The following ARHGAP11B variants were observed in gnomAD, a reference collection of about 807,000 sequenced individuals.
ARHGAP11B encodes the protein Rho GTPase activating protein 11B.
Under a neutral mutation model 27.6 loss-of-function variants are expected in ARHGAP11B, and 14 were observed. That is an observed-to-expected ratio of 0.51 (90% confidence interval 0.34 to 0.79). The LOEUF is 0.79. Ranked by LOEUF, ARHGAP11B falls within the 30% of genes least tolerant of loss-of-function variation. ARHGAP11B has a pLI of 0.02. For synonymous variants in ARHGAP11B, 82 were observed against 114.1 expected (o/e 0.72, Z 1.80); for missense variants, 245 against 320.1 (o/e 0.77, Z 1.79).
At chr15:30,630,881 A>G (rs992501424) in intron 2 of ARHGAP11B, 108 bp downstream of exon 2, 2 of 1,586,924 alleles carry the variant, frequency 1.3e-6, no homozygotes, top group African/African-American at 1.4e-5. Context: ...GGAGCTTAAG[A>G]CCAGCCTGGG....
intron 1 of ARHGAP11B, among the ~76,000 whole-genome samples, chr15:30,628,118 T>C (rs2060221563): frequency 6.6e-6 from 1 of 151,150 alleles, no homozygotes; most frequent in Admixed American, 6.6e-5. Flanking sequence ...TCTCCCTCTG[T>C]CGCCCAGGCT....
At chr15:30,635,489 C>T (rs778197945) in exon 6 of ARHGAP11B, 37 of 1,612,920 alleles carry the variant, frequency 2.3e-5, no homozygotes, top group Admixed American at 2.0e-4. Context: ...TCATTTAGGG[C>T]GTGTACCAGA....
At chr15:30,649,035 C>T (rs532156464) in exon 11 of ARHGAP11B, 3 of 151,898 alleles carry the variant, frequency 2.0e-5, no homozygotes, top group Non-Finnish European at 4.4e-5. Context: ...AATGGCGTGC[C>T]CCCTGTTGAC....
intron 3 of ARHGAP11B, 132 bp downstream of exon 3, chr15:30,633,718 A>T (rs1307934620): frequency 5.7e-5 from 36 of 636,946 alleles, no homozygotes; most frequent in African/African-American, 1.2e-4. Flanking sequence ...ATGGCAGAAG[A>T]TTTTTTTTTT....
chr15:30,635,431 T>G, intron 5 of ARHGAP11B, 56 bp from the exon 6 acceptor site: 1 of 1,559,122 alleles, frequency 6.4e-7, no homozygotes, highest in Non-Finnish European at 8.6e-7. Context: ...TAAACATTTT[T>G]GGGGAAGAGT....
Position 30,644,504 on chromosome 15 carries a change from C to A in ARHGAP11B, c.*79-135C>A, listed in dbSNP as rs1595679741. On this transcript the variant is annotated intron_variant, in intron 7 of 10. Transcript: ENST00000428041. The stretch of plus-strand genomic sequence containing the variant: ...TGTTTTAATCTGAAAAGGCATCGTT[C>A]TTATTGTTTTTGGTAACAAATTTTA... 5.4e-6 allele frequency: 3 copies of A among 555,694 alleles called. No individual in the cohort carries two copies. In the East Asian group the frequency reaches 8.9e-5, roughly 16 times the overall value. The allele number at this position is 555,694 out of a possible 1,614,324, so 34.4% of individuals were successfully genotyped here.
At chr15:30,649,209 A>G (rs1051843178) in exon 11 of ARHGAP11B, 18 of 152,238 alleles carry the variant, frequency 1.2e-4, no homozygotes, top group African/African-American at 4.1e-4. Context: ...AATTTGAATA[A>G]AATGATACTG....
At chr15:30,643,928 C>T (rs958510090) in intron 7 of ARHGAP11B, among the ~76,000 whole-genome samples, 1 of 152,024 alleles carries the variant, frequency 6.6e-6, no homozygotes, top group African/African-American at 2.4e-5. Flanking sequence ...GATCCAACTA[C>T]ATGGTTTCTT....
At chr15:30,636,876 T>G (rs1035841258) in intron 6 of ARHGAP11B, among the ~76,000 whole-genome samples, 13 of 152,024 alleles carry the variant, frequency 8.6e-5, no homozygotes, top group Admixed American at 7.2e-4. Context: ...CAGGGCACAT[T>G]GGATTAGGGC....
chr15:30,628,936 A>G (rs1045517893), intron 1 of ARHGAP11B, among the ~76,000 whole-genome samples: 12 of 152,098 alleles, frequency 7.9e-5, no homozygotes, highest in Admixed American at 5.9e-4. Flanking sequence ...TAGACTTACC[A>G]GCCTAAGTAT....
chr15:30,635,515 G>A, exon 6 of ARHGAP11B: 1 of 1,613,440 alleles, frequency 6.2e-7, no homozygotes, highest in Non-Finnish European at 8.5e-7. Flanking sequence ...TCCTGGAAAA[G>A]ATACCAGCCA....
chr15:30,632,571 T>C (rs533521068), intron 2 of ARHGAP11B, among the ~76,000 whole-genome samples: 73 of 151,758 alleles, frequency 4.8e-4, no homozygotes, highest in Non-Finnish European at 9.6e-4. Context: ...TAAATAAGGC[T>C]GACATTCAGC....
At chr15:30,639,001 A>G (rs538160914) in intron 7 of ARHGAP11B, among the ~76,000 whole-genome samples, 191 bp downstream of exon 7, 2 of 152,148 alleles carry the variant, frequency 1.3e-5, no homozygotes, top group East Asian at 3.9e-4. Context: ...TACATAGGCT[A>G]TAATGAACCC....
intron 2 of ARHGAP11B, among the ~76,000 whole-genome samples, chr15:30,632,409 CTG>C (rs2060251576): frequency 6.6e-6 from 1 of 150,680 alleles, no homozygotes; most frequent in African/African-American, 2.5e-5. Context: ...GAGCGAGACA[CTG>C]TCTCAAAAAC....
chr15:30,639,288 TTTAGA>T (rs1323796642), intron 7 of ARHGAP11B, among the ~76,000 whole-genome samples: 4 of 151,598 alleles, frequency 2.6e-5, no homozygotes, highest in African/African-American at 9.7e-5. Context: ...AAAAATAATA[TTTAGA>T]TTAGTTTTTG....
chr15:30,636,631 A>G (rs567462057), intron 6 of ARHGAP11B, among the ~76,000 whole-genome samples: 3 of 152,252 alleles, frequency 2.0e-5, no homozygotes, highest in African/African-American at 4.8e-5. Flanking sequence ...GCAAAGTACT[A>G]CAAACTAGGT....
chr15:30,629,089 GCTTA>G, intron 1 of ARHGAP11B, among the ~76,000 whole-genome samples: 1 of 152,094 alleles, frequency 6.6e-6, no homozygotes, highest in Admixed American at 6.6e-5. Flanking sequence ...TTTTTTGAAT[GCTTA>G]CTGTGTGTCA....
chr15:30,639,401 CTT>C (rs756237791), intron 7 of ARHGAP11B, among the ~76,000 whole-genome samples: 8 of 151,466 alleles, frequency 5.3e-5, no homozygotes, highest in Non-Finnish European at 1.0e-4. Context: ...ACTGCTGTCT[CTT>C]AAGAGTCTTG....
At chr15:30,633,569 C>T (rs761837871) in exon 3 of ARHGAP11B, 65 of 1,612,564 alleles carry the variant, frequency 4.0e-5, no homozygotes, top group Middle Eastern at 1.6e-4. Flanking sequence ...ATCTGTGATT[C>T]GCCTAAAAGC....
Sources: allele counts gnomAD v4.1 joint callset (sites outside exome capture counted in the v4.1 genomes callset), GRCh38; gene constraint gnomAD v4.1.1; transcripts MANE v1.5; gene names NCBI Gene and HGNC (gene_info 2026-07-23, HGNC 2026-07-21).